Variants in GALNT17 observed in about 807,000 individuals in gnomAD.
The protein encoded by GALNT17 is UDP-GalNAc:polypeptide N-acetylgalactosaminyltransferase-like 3.
GALNT17 carries 29 observed loss-of-function variants against 63.7 expected under a neutral mutation model. That is an observed-to-expected ratio of 0.46 (90% CI 0.34 to 0.62). The LOEUF is 0.62. Ranked by LOEUF, GALNT17 falls within the 20% of genes least tolerant of loss-of-function variation. GALNT17 has a pLI of 0.01. For missense variants in GALNT17, 603 were observed against 799.6 expected (o/e 0.75, Z 2.97); for synonymous variants, 305 against 318.3 (o/e 0.96, Z 0.45).
chr7:71,578,721 G>A (rs893670792), intron 6 of GALNT17, among the ~76,000 whole-genome samples: 6 of 152,112 alleles, frequency 3.9e-5, no homozygotes, highest in African/African-American at 1.2e-4. Flanking sequence ...ACTCCCACAG[G>A]TCTCTTTGCC....
intron 1 of GALNT17, among the ~76,000 whole-genome samples, chr7:71,185,742 C>T (rs978054369): frequency 4.6e-5 from 7 of 151,960 alleles, no homozygotes; most frequent in East Asian, 1.9e-4. Context: ...CTCCTGACCT[C>T]GTGATCCGCC....
In GALNT17 at chr7:71,670,902, G is replaced by GTGCA. The variant is rs76041428; in HGVS notation, c.1404+793_1404+794insTGCA. Among the ~76,000 whole-genome samples the GTGCA allele has an allele frequency of 1.6e-4, 5 of 31,264 alleles. No individual in the cohort carries two copies. The Admixed American group carries it at 2.5e-3, about 16-fold the overall frequency. The allele number at this position is 31,264 out of a possible 152,430, so 20.5% of individuals were successfully genotyped here. ...GGACTGTGTGTGTGTGTGTGTGTGT[G>GTGCA]CGTGTGTGTGTGTGCATGTGTGTGT... On this transcript the variant is annotated intron_variant, in intron 8 of 10. Coordinates refer to ENST00000333538, the MANE Select transcript of GALNT17 (RefSeq NM_022479.3).
chr7:71,623,845 T>A (rs1365820166), intron 6 of GALNT17, among the ~76,000 whole-genome samples: 1 of 152,222 alleles, frequency 6.6e-6, no homozygotes, highest in Non-Finnish European at 1.5e-5. Flanking sequence ...TCCTGTCATC[T>A]GCATTTCCAC....
intron 5 of GALNT17, among the ~76,000 whole-genome samples, chr7:71,530,099 G>A (rs958770959): frequency 2.6e-5 from 4 of 152,132 alleles, no homozygotes; most frequent in African/African-American, 9.7e-5. Flanking sequence ...GCAGTGTCTG[G>A]CTACTCATCC....
chr7:71,276,228 G>A (rs1444912441), intron 1 of GALNT17, among the ~76,000 whole-genome samples: 1 of 152,164 alleles, frequency 6.6e-6, no homozygotes, highest in African/African-American at 2.4e-5. Context: ...CAGGGCAGGT[G>A]GCTGCAGGGG....
intron 5 of GALNT17, among the ~76,000 whole-genome samples, chr7:71,459,097 T>TAA (rs148577765): frequency 1.4e-5 from 2 of 147,684 alleles, no homozygotes; most frequent in East Asian, 3.9e-4. Flanking sequence ...GGATATTGCT[T>TAA]AAAAAAAAAA....
intron 6 of GALNT17, among the ~76,000 whole-genome samples, chr7:71,660,163 G>A (rs1411188499): frequency 3.3e-5 from 5 of 152,134 alleles, no homozygotes; most frequent in Non-Finnish European, 7.4e-5. Context: ...ATAAATAAAT[G>A]GATGAGCGTC....
intron 5 of GALNT17, among the ~76,000 whole-genome samples, chr7:71,480,745 G>A (rs1237937592): frequency 6.6e-6 from 1 of 152,178 alleles, no homozygotes; most frequent in Non-Finnish European, 1.5e-5. Flanking sequence ...GGCCTCAAGT[G>A]ATCCACCCAC....
chr7:71,417,745 T>C (rs1324837730), intron 4 of GALNT17, among the ~76,000 whole-genome samples: 1 of 152,192 alleles, frequency 6.6e-6, no homozygotes, highest in Non-Finnish European at 1.5e-5. Flanking sequence ...TGGCATACCT[T>C]GTCTTTTCCT....
At chr7:71,149,826 G>A (rs1472810767) in intron 1 of GALNT17, among the ~76,000 whole-genome samples, 1 of 152,192 alleles carries the variant, frequency 6.6e-6, no homozygotes, top group Non-Finnish European at 1.5e-5. Flanking sequence ...TCTGCCCCGT[G>A]TCCTTCCTAT....
At chr7:71,442,007 G>A (rs1270559787) in intron 5 of GALNT17, among the ~76,000 whole-genome samples, 1 of 152,050 alleles carries the variant, frequency 6.6e-6, no homozygotes, top group Non-Finnish European at 1.5e-5. Context: ...CCCAGTAATG[G>A]GATTGCTGGG....
intron 1 of GALNT17, among the ~76,000 whole-genome samples, chr7:71,309,210 C>G (rs936610699): frequency 1.3e-5 from 2 of 152,036 alleles, no homozygotes; most frequent in African/African-American, 4.8e-5. Context: ...CTGATCATTT[C>G]TTTTCTCTTT....
chr7:71,263,516 C>T (rs1790426179), intron 1 of GALNT17, among the ~76,000 whole-genome samples: 1 of 152,192 alleles, frequency 6.6e-6, no homozygotes, highest in Non-Finnish European at 1.5e-5. Context: ...GGGAAGAGAA[C>T]TGTTTGCCAC....
chr7:71,636,987 TGGA>T (rs1790536212), intron 6 of GALNT17, among the ~76,000 whole-genome samples: 1 of 152,138 alleles, frequency 6.6e-6, no homozygotes, highest in Non-Finnish European at 1.5e-5. Context: ...CAACCTGGGA[TGGA>T]GTCGGATGAC....
intron 7 of GALNT17, among the ~76,000 whole-genome samples, chr7:71,666,164 C>G (rs1372253743): frequency 2.0e-5 from 3 of 152,002 alleles, no homozygotes; most frequent in Non-Finnish European, 2.9e-5. Flanking sequence ...ACCAAATCCA[C>G]TCATCTTCTC....
intron 6 of GALNT17, among the ~76,000 whole-genome samples, chr7:71,636,986 A>G (rs1018518366): frequency 6.6e-6 from 1 of 152,150 alleles, no homozygotes; most frequent in African/African-American, 2.4e-5. Flanking sequence ...TCAACCTGGG[A>G]TGGAGTCGGA....
intron 1 of GALNT17, among the ~76,000 whole-genome samples, chr7:71,160,449 C>G (rs971794198): frequency 6.6e-6 from 1 of 152,090 alleles, no homozygotes; most frequent in Non-Finnish European, 1.5e-5. Context: ...TTATTATAAA[C>G]AATGGTGTGA....
chr7:71,229,401 G>A (rs187201458), intron 1 of GALNT17, among the ~76,000 whole-genome samples: 8 of 152,286 alleles, frequency 5.3e-5, no homozygotes, highest in African/African-American at 1.9e-4. Flanking sequence ...AGATGGCCCC[G>A]TCTGGACCCA....
At chr7:71,334,940 T>A (rs1791871524) in intron 1 of GALNT17, among the ~76,000 whole-genome samples, 1 of 152,232 alleles carries the variant, frequency 6.6e-6, no homozygotes, top group Non-Finnish European at 1.5e-5. Context: ...CTTGCTGTTT[T>A]TATTCTGTGC....
Sources: gnomAD v4.1 joint callset for allele counts (sites outside exome capture counted in the v4.1 genomes callset) on GRCh38, gnomAD v4.1.1 for gene constraint, MANE v1.5 for transcripts, NCBI Gene and HGNC (gene_info 2026-07-23, HGNC 2026-07-21) for gene names.